SCN4A: variants seen among roughly 807,000 people sequenced by gnomAD.
SCN4A encodes sodium voltage-gated channel alpha subunit 4.
A neutral mutation model predicts 162.0 loss-of-function variants in SCN4A; 83 were observed. That is an observed-to-expected ratio of 0.51 (90% CI 0.43 to 0.61). The LOEUF (loss-of-function observed/expected upper bound fraction) is 0.61. Ranked by LOEUF, SCN4A falls within the 20% of genes least tolerant of loss-of-function variation. The pLI is 0.00. For synonymous variants in SCN4A, 944 were observed against 985.1 expected (o/e 0.96, Z 0.78); for missense variants, 2,196 against 2,462.5 (o/e 0.89, Z 2.29).
In SCN4A at chr17:63,941,155, G is replaced by T. The variant is rs1045422843; in HGVS notation, c.5127C>A (p.Asn1709Lys). The part of the protein sequence containing the change: ...QTMEEKFMAA[N>K]PSKVSYEPIT... ...TGGGCTCGTAGGACACCTTGGAGGG[G>T]TTGGCTGCCATGAACTTCTCCTCCA... Residue 1709 changes from asparagine to lysine, a missense_variant, in exon 24 of 24, where the codon AAC becomes AAA. Transcript: ENST00000435607. The surrounding 1 kb of genome is among the most constrained non-coding windows in gnomAD (Gnocchi z 6.2). The T allele has an allele frequency of 8.7e-6, 14 of 1,613,916 alleles. No homozygotes were observed. In the African/African-American group the frequency reaches 1.5e-4, roughly 17 times the overall value.
At chr17:63,970,365 T>G (rs575948712) in intron 5 of SCN4A, among the ~76,000 whole-genome samples, 1 of 152,190 alleles carries the variant, frequency 6.6e-6, no homozygotes, top group African/African-American at 2.4e-5. Flanking sequence ...ATGCCACAGA[T>G]AAGGAAACTG....
At position 63,944,243 on chromosome 17, in the gene SCN4A, G is replaced by T. The variant is rs111256393; in HGVS notation, c.3913-393C>A. ...CAACCTCCATCTCCTGGGTTTAAGC[G>T]ATTCTCCTGCCTCAGCCTCCTGAGT... On this transcript the variant is annotated intron_variant, in intron 21 of 23. Transcript: ENST00000435607. This position sits in a 1 kb window ranked among gnomAD's most constrained non-coding sequence, Gnocchi z 4.3. Among the ~76,000 whole-genome samples, 1,979 of 152,164 alleles carry T rather than the reference G, an allele frequency of 0.013. 45 individuals are homozygous for T. The highest frequency in any genetic ancestry group is 0.045 in the African/African-American group (1,861 of 41,524).
intron 11 of SCN4A, among the ~76,000 whole-genome samples, chr17:63,960,513 C>T (rs988179690): frequency 8.5e-5 from 13 of 152,168 alleles, no homozygotes; most frequent in African/African-American, 2.9e-4. Flanking sequence ...GCCCATTTGC[C>T]GTCCTGGAAA....
Position 63,944,988 on chromosome 17 carries a change from C to G in SCN4A, c.3774+19G>C. ...TCCCTGGCTCGCTCACCAGCCACAT[C>G]TCAGCGACCCCGACTCACCTCCCGG... On this transcript the variant is annotated intron_variant, in intron 20 of 23. Coordinates refer to ENST00000435607, the MANE Select transcript of SCN4A (RefSeq NM_000334.4). The surrounding 1 kb of genome is among the most constrained non-coding windows in gnomAD (Gnocchi z 4.3). 6.2e-7 allele frequency: 1 copy of G among 1,613,162 alleles called. No individual in the cohort carries two copies. The highest frequency in any genetic ancestry group is 8.5e-7 in the Non-Finnish European group (1 of 1,179,292).
Position 63,966,635 on chromosome 17 carries a change from G to A in SCN4A, c.1037-91C>T, listed in dbSNP as rs899650697. 5 of 933,936 alleles carry A rather than the reference G, an allele frequency of 5.4e-6. No individual in the cohort carries two copies. The Admixed American group carries it at 9.1e-5, about 17-fold the overall frequency. 57.9% of individuals were successfully genotyped at this position (933,936 alleles called of 1,614,324 possible). On this transcript the variant is annotated intron_variant, in intron 6 of 23. Transcript: ENST00000435607. ...CCATTGCACACCTGTGGACAGGTCT[G>A]CGCGTACCACATAAACCAAACGGAT...
intron 13 of SCN4A, among the ~76,000 whole-genome samples, chr17:63,953,674 C>A (rs1266900660): frequency 6.7e-6 from 1 of 149,032 alleles, no homozygotes; most frequent in African/African-American, 2.5e-5. Context: ...AGTGCGAGAC[C>A]CTGCCTTGAA....
At chr17:63,957,118 G>A (rs764202368) in intron 13 of SCN4A, 44 bp downstream of exon 13, 2 of 1,321,632 alleles carry the variant, frequency 1.5e-6, no homozygotes, top group African/African-American at 1.5e-5. Context: ...CATCTTGTAC[G>A]CTTCCCGGGT....
intron 3 of SCN4A, 119 bp from the exon 4 acceptor site, chr17:63,971,969 G>A (rs1909624828): frequency 8.2e-7 from 1 of 1,218,880 alleles, no homozygotes; most frequent in Admixed American, 1.9e-5. Context: ...GGTGGCTAAG[G>A]ACACTAGCGA....
chr17:63,949,360 G>A lies in SCN4A; in HGVS notation c.2989+33C>T, dbSNP rs749233803. ...CCTTGCAGGGGCTGCAGGCCTGGGG[G>A]AGACACCCAGATGAGGTGAGGGGTG... On this transcript the variant is annotated intron_variant, in intron 15 of 23. Coordinates refer to ENST00000435607, the MANE Select transcript of SCN4A (RefSeq NM_000334.4). 28 of 1,546,320 alleles carry A rather than the reference G, an allele frequency of 1.8e-5. No homozygotes were observed. The Admixed American group carries it at 3.5e-4, about 20-fold the overall frequency.
rs1908804315 is a variant in SCN4A at position 63,948,632 on chromosome 17, G to T, written c.3123C>A (p.Ile1041=). Reference sequence around the variant, plus strand: ...CTACCAGAGCCCCACTGCTGAGCAGGATCATGAAGACAATGAAGGTCTCGA... The same window carrying T: ...CTACCAGAGCCCCACTGCTGAGCAGTATCATGAAGACAATGAAGGTCTCGA... ...NWFETFIVFM[I]LLSSGALAFE... Residue 1041 remains isoleucine, a synonymous_variant, in exon 16 of 24, where the codon ATC becomes ATA. Coordinates refer to ENST00000435607, the MANE Select transcript of SCN4A (RefSeq NM_000334.4). The T allele has an allele frequency of 6.2e-7, 1 of 1,613,812 alleles. No homozygotes were observed. The highest frequency in any genetic ancestry group is 8.5e-7 in the Non-Finnish European group (1 of 1,179,864).
intron 10 of SCN4A, 94 bp from the exon 11 acceptor site, chr17:63,961,525 G>T: frequency 3.4e-6 from 3 of 878,724 alleles, no homozygotes; most frequent in Admixed American, 3.6e-5. Context: ...TCCAAGCCCC[G>T]CCCCTTAGCA....
rs779474162 is a variant in SCN4A at position 63,940,948 on chromosome 17, C to T, written c.5334G>A (p.Lys1778=). 1.2e-6 allele frequency: 2 copies of T among 1,613,980 alleles called. No individual in the cohort carries two copies. The highest frequency in any genetic ancestry group is 2.7e-5 in the African/African-American group (2 of 75,070). The change falls in exon 24 of 24, where the codon AAG becomes AAA. Residue 1778 remains lysine, a synonymous_variant. Coordinates refer to ENST00000435607, the MANE Select transcript of SCN4A (RefSeq NM_000334.4). ...TGTTCCCATTCTCGTGGCCATACAT[C>T]TTGCTCATGGTGTTGGCAAGCAGCC... ...KEGLLANTMS[K]MYGHENGNSS...
intron 13 of SCN4A, among the ~76,000 whole-genome samples, chr17:63,956,845 A>T (rs559428744): frequency 9.2e-5 from 14 of 152,130 alleles, no homozygotes; most frequent in Non-Finnish European, 1.9e-4. Context: ...CAACAGCGCT[A>T]CTCATAGCAT....
chr17:63,942,664 A>T (rs1908579690), intron 23 of SCN4A, among the ~76,000 whole-genome samples, 162 bp downstream of exon 23: 1 of 152,232 alleles, frequency 6.6e-6, no homozygotes, highest in Admixed American at 6.5e-5. Flanking sequence ...GCCTGTGTGC[A>T]CACCATGTGC....
rs1323000570 is a variant in SCN4A at position 63,966,230 on chromosome 17, C to T, written c.1114G>A (p.Gly372Ser). ...NSSDAGHCPE[G>S]YECIKTGRNP... The stretch of plus-strand genomic sequence containing the variant: ...CGCCCGGTCTTGATGCACTCATAAC[C>T]CTCAGGGCAGTGCCTAGGAATAGGA... Residue 372 changes from glycine to serine, a missense_variant, in exon 8 of 24, where the codon GGT becomes AGT. Coordinates refer to ENST00000435607, the MANE Select transcript of SCN4A (RefSeq NM_000334.4). 7 of 1,604,616 alleles carry T rather than the reference C, an allele frequency of 4.4e-6. No homozygotes were observed. In the Admixed American group the frequency reaches 6.8e-5, roughly 16 times the overall value.
intron 13 of SCN4A, among the ~76,000 whole-genome samples, chr17:63,954,021 C>G (rs1386349489): frequency 6.6e-6 from 1 of 152,164 alleles, no homozygotes; most frequent in Non-Finnish European, 1.5e-5. Flanking sequence ...GTCCCAGCTC[C>G]CATCAGCCAG....
At chr17:63,960,660 T>C (rs987913074) in intron 11 of SCN4A, among the ~76,000 whole-genome samples, 2 of 151,926 alleles carry the variant, frequency 1.3e-5, no homozygotes, top group African/African-American at 4.8e-5. Flanking sequence ...ATCAGTGGTG[T>C]CAACAATAGT....
At chr17:63,952,422 AG>A (rs1362915100) in intron 13 of SCN4A, among the ~76,000 whole-genome samples, 2 of 152,060 alleles carry the variant, frequency 1.3e-5, no homozygotes, top group Non-Finnish European at 2.9e-5. Flanking sequence ...GGCCTCCCAA[AG>A]TGCTGGGATT....
In SCN4A at chr17:63,950,727, A is replaced by G. The variant is rs1377484359; in HGVS notation, c.2853+697T>C. 2.0e-5 allele frequency among the ~76,000 whole-genome samples: 3 copies of G among 152,232 alleles called. No individual in the cohort carries two copies. Among genetic ancestry groups the G allele is most frequent in the Non-Finnish European group, 4.4e-5 (3 of 68,040 alleles). ...CAGTGGGGAAGGGGGCTCAAGACCC[A>G]GGCAGGGTCAGCCTCAGCCTCAGCC... On this transcript the variant is annotated intron_variant, in intron 14 of 23. Coordinates refer to ENST00000435607, the MANE Select transcript of SCN4A (RefSeq NM_000334.4). The surrounding 1 kb of genome is among the most constrained non-coding windows in gnomAD (Gnocchi z 4.6).
Sources: allele counts gnomAD v4.1 joint callset (sites outside exome capture counted in the v4.1 genomes callset), GRCh38; gene constraint gnomAD v4.1.1; non-coding constraint Gnocchi (gnomAD v3.1); transcripts MANE v1.5; gene names NCBI Gene and HGNC (gene_info 2026-07-23, HGNC 2026-07-21).